The following PLEKHM3 variants were observed in gnomAD, a reference collection of about 807,000 sequenced individuals.
PLEKHM3 encodes pleckstrin homology domain containing M3.
In PLEKHM3, 45 loss-of-function variants were observed where a neutral mutation model predicts 81.8. That is an observed-to-expected ratio of 0.55 (90% CI 0.43 to 0.71). PLEKHM3 has a LOEUF of 0.71. PLEKHM3 is among the 30% of genes least tolerant of loss of function. PLEKHM3 has a pLI of 0.00. For missense variants in PLEKHM3, 788 were observed against 924.3 expected, an observed-to-expected ratio of 0.85 and a Z score of 1.91; for synonymous variants, 352 against 356.4, an observed-to-expected ratio of 0.99 and a Z score of 0.14.
intron 7 of PLEKHM3, among the ~76,000 whole-genome samples, chr2:207,859,301 G>T (rs541681762): frequency 7.3e-4 from 110 of 151,402 alleles, no homozygotes; most frequent in African/African-American, 2.6e-3. Flanking sequence ...ACTATACCCG[G>T]CTAATTTTGT....
At chr2:207,978,319 G>A (rs896352387) in intron 2 of PLEKHM3, among the ~76,000 whole-genome samples, 1 of 151,198 alleles carries the variant, frequency 6.6e-6, no homozygotes, top group Non-Finnish European at 1.5e-5. Context: ...CTATTAGGGT[G>A]GTGCAAAAGT....
chr2:207,967,605 G>A (rs192496795), intron 3 of PLEKHM3, among the ~76,000 whole-genome samples: 1 of 152,164 alleles, frequency 6.6e-6, no homozygotes, highest in South Asian at 2.1e-4. Context: ...AATTATAGTT[G>A]TAAGTGAGCA....
At chr2:207,893,311 T>C (rs922060319) in intron 6 of PLEKHM3, among the ~76,000 whole-genome samples, 3 of 152,210 alleles carry the variant, frequency 2.0e-5, no homozygotes, top group Admixed American at 6.5e-5. Flanking sequence ...AGGAACACCC[T>C]TCCTTCTTTG....
intron 6 of PLEKHM3, among the ~76,000 whole-genome samples, chr2:207,889,896 C>T (rs374051550): frequency 3.9e-5 from 6 of 152,068 alleles, no homozygotes; most frequent in African/African-American, 1.2e-4. Flanking sequence ...CTCTGTCTCC[C>T]GGGTTCAAGT....
intron 6 of PLEKHM3, among the ~76,000 whole-genome samples, chr2:207,893,585 G>A (rs1688130078): frequency 6.6e-6 from 1 of 152,150 alleles, no homozygotes; most frequent in South Asian, 2.1e-4. Context: ...TCTTTGACAA[G>A]TGTATATGTC....
At chr2:207,901,567 T>C (rs1041828692) in intron 6 of PLEKHM3, among the ~76,000 whole-genome samples, 2 of 152,206 alleles carry the variant, frequency 1.3e-5, no homozygotes, top group East Asian at 3.8e-4. Context: ...AGACCGAGCA[T>C]GAGGCATGAA....
intron 2 of PLEKHM3, among the ~76,000 whole-genome samples, chr2:207,993,470 G>C (rs1027877793): frequency 1.3e-5 from 2 of 149,916 alleles, no homozygotes; most frequent in African/African-American, 4.9e-5. Context: ...AATTGAAAAA[G>C]CAGTCATTTT....
At chr2:207,854,575 A>G (rs1030606183) in intron 7 of PLEKHM3, among the ~76,000 whole-genome samples, 1 of 152,136 alleles carries the variant, frequency 6.6e-6, no homozygotes. Context: ...TAAATTTTTT[A>G]TTAGTGTTTC....
intron 4 of PLEKHM3, among the ~76,000 whole-genome samples, chr2:207,935,419 G>A (rs80324355): frequency 0.013 from 2,002 of 152,282 alleles, 53 homozygotes; most frequent in African/African-American, 0.046. Context: ...AAGAAAGGGC[G>A]TCTTTCTCTA....
At chr2:207,930,789 G>T in intron 5 of PLEKHM3, 137 bp downstream of exon 5, 1 of 891,190 alleles carries the variant, frequency 1.1e-6, no homozygotes, top group Non-Finnish European at 1.7e-6. Flanking sequence ...GAGAGAGGCT[G>T]GCAGTGGAGA....
At chr2:207,904,536 TCAAA>T (rs1185940014) in intron 6 of PLEKHM3, among the ~76,000 whole-genome samples, 11 of 152,210 alleles carry the variant, frequency 7.2e-5, no homozygotes, top group African/African-American at 2.7e-4. Context: ...CAATCACTGG[TCAAA>T]CAAACAGACA....
intron 7 of PLEKHM3, among the ~76,000 whole-genome samples, chr2:207,840,040 G>T (rs115422808): frequency 6.6e-6 from 1 of 152,174 alleles, no homozygotes; most frequent in Admixed American, 6.5e-5. Flanking sequence ...GTCCTCCTGG[G>T]AATTCTGATG....
At chr2:207,913,506 A>G (rs1181651419) in intron 5 of PLEKHM3, among the ~76,000 whole-genome samples, 4 of 152,140 alleles carry the variant, frequency 2.6e-5, no homozygotes, top group Admixed American at 6.5e-5. Context: ...AAGGTAGTGG[A>G]GAGGTCAAAT....
intron 3 of PLEKHM3, among the ~76,000 whole-genome samples, chr2:207,950,952 G>T (rs1413302402): frequency 1.3e-5 from 2 of 152,144 alleles, no homozygotes; most frequent in Non-Finnish European, 2.9e-5. Flanking sequence ...AAAGAACACA[G>T]AATGGTTGGA....
At chr2:207,904,241 T>C (rs1264680740) in intron 6 of PLEKHM3, among the ~76,000 whole-genome samples, 2 of 152,196 alleles carry the variant, frequency 1.3e-5, no homozygotes, top group Non-Finnish European at 1.5e-5. Flanking sequence ...AGAGTTTGGA[T>C]TGAATATGTT....
intron 6 of PLEKHM3, among the ~76,000 whole-genome samples, chr2:207,892,135 T>C (rs1269230793): frequency 6.6e-6 from 1 of 152,044 alleles, no homozygotes; most frequent in Admixed American, 6.5e-5. Context: ...ACCTAGAATG[T>C]GTGTCTTGTC....
intron 5 of PLEKHM3, among the ~76,000 whole-genome samples, chr2:207,921,364 A>T (rs1439903075): frequency 6.6e-6 from 1 of 152,132 alleles, no homozygotes; most frequent in Non-Finnish European, 1.5e-5. Flanking sequence ...TTTTAAAAAA[A>T]TTATTATTAA....
At chr2:208,015,285 C>G (rs1451164196) in intron 1 of PLEKHM3, among the ~76,000 whole-genome samples, 1 of 152,050 alleles carries the variant, frequency 6.6e-6, no homozygotes, top group East Asian at 1.9e-4. Context: ...TAAGACAATT[C>G]AAAGCAAATT....
At chr2:207,964,028 A>G (rs1690827679) in intron 3 of PLEKHM3, among the ~76,000 whole-genome samples, 1 of 152,124 alleles carries the variant, frequency 6.6e-6, no homozygotes, top group African/African-American at 2.4e-5. Flanking sequence ...CCTGGCCAAT[A>G]TGGTGAAACC....
Sources: gnomAD v4.1 joint callset for allele counts (sites outside exome capture counted in the v4.1 genomes callset) on GRCh38, gnomAD v4.1.1 for gene constraint, MANE v1.5 for transcripts, NCBI Gene and HGNC (gene_info 2026-07-23, HGNC 2026-07-21) for gene names.